FGD5: variants seen among roughly 807,000 people sequenced by gnomAD.
FGD5 encodes the protein FYVE, RhoGEF and PH domain-containing protein 5.
In FGD5, 28 loss-of-function variants were observed where a neutral mutation model predicts 133.4. The ratio of observed to expected loss-of-function variants is 0.21; its 90% CI spans 0.16 to 0.29. The LOEUF (loss-of-function observed/expected upper bound fraction) is 0.29. Ranked by LOEUF, FGD5 falls within the 10% of genes least tolerant of loss-of-function variation. FGD5 has a pLI of 1.00. For synonymous variants in FGD5, 810 were observed against 776.5 expected (o/e 1.04, Z -0.72); for missense variants, 1,858 against 1,895.2 (o/e 0.98, Z 0.36).
At chr3:14,887,003 C>T (rs879827622) in intron 4 of FGD5, among the ~76,000 whole-genome samples, 6 of 152,180 alleles carry the variant, frequency 3.9e-5, no homozygotes, top group Non-Finnish European at 7.3e-5. Flanking sequence ...GAAGGATGGG[C>T]CCTCTGCTCT....
rs1320914766 is a variant in FGD5, at chr3:14,910,043, C to T, written c.3337-818C>T. On this transcript the variant is annotated intron_variant, in intron 10 of 19. Transcript: ENST00000285046. Reference sequence around the variant, plus strand: ...CCTCCCAAAGTGCTGGGATTACAGGCGTGAGCCACCACGCCTGGTTGTGAT... The same window carrying T: ...CCTCCCAAAGTGCTGGGATTACAGGTGTGAGCCACCACGCCTGGTTGTGAT... Among the ~76,000 whole-genome samples, 4 of 151,912 alleles carry T rather than the reference C, an allele frequency of 2.6e-5. No individual in the cohort carries two copies. In the East Asian group the frequency reaches 5.8e-4, roughly 22 times the overall value.
chr3:14,853,680 G>A (rs1190711014), intron 1 of FGD5, among the ~76,000 whole-genome samples: 2 of 100,822 alleles, frequency 2.0e-5, no homozygotes, highest in Admixed American at 3.0e-4. Flanking sequence ...GAGTTATTAG[G>A]CCCTTTTGGC....
chr3:14,854,389 T>TTTTTATTTA (rs1215206630), intron 1 of FGD5, among the ~76,000 whole-genome samples: 6 of 137,612 alleles, frequency 4.4e-5, no homozygotes, highest in African/African-American at 1.4e-4. Flanking sequence ...TTTCTTTTCT[T>TTTTTATTTA]TTTATTTATT....
intron 1 of FGD5, among the ~76,000 whole-genome samples, chr3:14,824,090 GC>G (rs2036557853): frequency 6.6e-6 from 1 of 152,160 alleles, no homozygotes; most frequent in Non-Finnish European, 1.5e-5. Context: ...ATGCTATTTC[GC>G]CAAAGGCCAG....
intron 2 of FGD5, among the ~76,000 whole-genome samples, chr3:14,873,484 T>C (rs1227152403): frequency 6.6e-6 from 1 of 152,120 alleles, no homozygotes; most frequent in Non-Finnish European, 1.5e-5. Flanking sequence ...AGGCATAGAA[T>C]CCAGCCATTA....
chr3:14,820,236 A>G lies in FGD5; in HGVS notation c.1165A>G (p.Met389Val), dbSNP rs753113394. ...GGGGCTGCGTGCGGAGGAGAACCCC[A>G]TGGTGGGGGCTTTGTGTGGCCAGTG... is the stretch of plus-strand genomic sequence containing the variant. ...KLGLRAEENP[M>V]VGALCGQCGS... The change falls in exon 1 of 20, where the codon ATG becomes GTG. Residue 389 changes from methionine to valine, a missense_variant. By Grantham distance (21) the Met-to-Val change is conservative (BLOSUM62 1). This residue lies in a region of FGD5 where 1,824 missense variants were observed against 1,848.9 expected (regional missense o/e 0.99). Coordinates refer to ENST00000285046, the MANE Select transcript of FGD5 (RefSeq NM_152536.4). The G allele has an allele frequency of 3.7e-6, 6 of 1,606,094 alleles. No homozygotes were observed. Among genetic ancestry groups the G allele is most frequent in the African/African-American group, 2.7e-5 (2 of 74,752 alleles).
intron 17 of FGD5, among the ~76,000 whole-genome samples, chr3:14,924,946 A>G (rs532362222): frequency 6.6e-6 from 1 of 152,058 alleles, no homozygotes; most frequent in South Asian, 2.1e-4. Flanking sequence ...CTAAAAATAC[A>G]AAAATCAGCC....
At chr3:14,855,395 A>G (rs546590642) in intron 1 of FGD5, among the ~76,000 whole-genome samples, 2 of 152,314 alleles carry the variant, frequency 1.3e-5, no homozygotes, top group South Asian at 2.1e-4. Flanking sequence ...GCTGGATCAC[A>G]TGGTAGTTCT....
chr3:14,887,991 C>T (rs2037955970), intron 4 of FGD5, among the ~76,000 whole-genome samples: 1 of 139,358 alleles, frequency 7.2e-6, no homozygotes, highest in African/African-American at 2.7e-5. Flanking sequence ...CATAGTGAGA[C>T]CCCATCACTA....
chr3:14,854,423 T>TGA lies in FGD5; in HGVS notation c.2526-9705_2526-9704insGA, dbSNP rs1289454745. Among the ~76,000 whole-genome samples the TGA allele has an allele frequency of 7.5e-3, 1,056 of 141,452 alleles. 9 individuals are homozygous for TGA. The highest frequency in any genetic ancestry group is 0.014 in the South Asian group (62 of 4,420). 92.8% of individuals were successfully genotyped at this position (141,452 alleles called of 152,430 possible). A position where few individuals can be genotyped will look rare whatever the true frequency, so the allele number is the denominator to read the frequency against. ...TTTATTTATTTATTTATTTATTTAT[T>TGA]TATTTATTTATTGAGACGAGCTCAC... is the stretch of plus-strand genomic sequence containing the variant. On this transcript the variant is annotated intron_variant, in intron 1 of 19. Transcript: ENST00000285046.
At chr3:14,822,051 G>A (rs2036514988) in intron 1 of FGD5, among the ~76,000 whole-genome samples, 1 of 151,602 alleles carries the variant, frequency 6.6e-6, no homozygotes, top group Non-Finnish European at 1.5e-5. Flanking sequence ...AGTGAGCTGA[G>A]ATCACGCAAC....
At chr3:14,873,416 A>G (rs554913072) in intron 2 of FGD5, among the ~76,000 whole-genome samples, 167 of 152,336 alleles carry the variant, frequency 1.1e-3, no homozygotes, top group Middle Eastern at 6.8e-3. Flanking sequence ...AGAGAGCAGG[A>G]CGTAGTTAAG....
chr3:14,859,138 C>A lies in FGD5; in HGVS notation c.2526-4990C>A, dbSNP rs187799226. On this transcript the variant is annotated intron_variant, in intron 1 of 19. Transcript: ENST00000285046. The stretch of plus-strand genomic sequence containing the variant: ...TTACTATAATTTTTGATTGACAAAT[C>A]ATAATCCTATACATTTATGGGGTAC... 2.0e-4 allele frequency among the ~76,000 whole-genome samples: 30 copies of A among 152,280 alleles called. No homozygotes were observed. The East Asian group carries it at 5.6e-3, about 28-fold the overall frequency.
chr3:14,917,165 C>T lies in FGD5; in HGVS notation c.3406-84C>T, dbSNP rs1286482257. ...AGGAATACAAGATGCCTGTGCACAG[C>T]GGAGCTCAGGGATCCTTTGAGGACA... On this transcript the variant is annotated intron_variant, in intron 11 of 19. Transcript: ENST00000285046. This position sits in a 1 kb window ranked among gnomAD's most constrained non-coding sequence, Gnocchi z 4.1. 8.7e-6 allele frequency: 11 copies of T among 1,259,222 alleles called. No individual in the cohort carries two copies. The highest frequency in any genetic ancestry group is 3.7e-4 in the Middle Eastern group (2 of 5,380). 78.0% of individuals were successfully genotyped at this position (1,259,222 alleles called of 1,614,324 possible). A position where few individuals can be genotyped will look rare whatever the true frequency, so the allele number is the denominator to read the frequency against.
chr3:14,897,589 G>T lies in FGD5; in HGVS notation c.2829G>T (p.Arg943Ser). Residue 943 changes from arginine (R) to serine (S), a missense_variant, in exon 5 of 20, where the codon AGG becomes AGT. Around this residue, in one of 3 missense-constraint regions of FGD5, gnomAD observed 1,824 missense variants for 1,848.9 expected, o/e 0.99. Coordinates refer to ENST00000285046, the MANE Select transcript of FGD5 (RefSeq NM_152536.4). ...GRDTLAREEL[R>S]QGLSELPAIH... Reference sequence around the variant, plus strand: ...ACACATTGGCCCGGGAGGAGCTGAGGCAGGGCCTGAGTGAACTCCCAGCCA... The same window carrying T: ...ACACATTGGCCCGGGAGGAGCTGAGTCAGGGCCTGAGTGAACTCCCAGCCA... The T allele has an allele frequency of 6.2e-7, 1 of 1,605,052 alleles. No individual in the cohort carries two copies. The highest frequency in any genetic ancestry group is 8.5e-7 in the Non-Finnish European group (1 of 1,175,936).
At chr3:14,852,515 C>T (rs2037183917) in intron 1 of FGD5, among the ~76,000 whole-genome samples, 1 of 152,138 alleles carries the variant, frequency 6.6e-6, no homozygotes, top group African/African-American at 2.4e-5. Context: ...ACAACTCTTT[C>T]AAATATACTA....
In FGD5 at chr3:14,917,209, C is replaced by T; in HGVS notation, c.3406-40C>T. ...GAGGACAGAAGCCTGGCGCAGCCTT[C>T]TGGGGCCAGGGTCCTCTCATAGGGT... On this transcript the variant is annotated intron_variant, in intron 11 of 19. Transcript: ENST00000285046. The surrounding 1 kb of genome is among the most constrained non-coding windows in gnomAD (Gnocchi z 4.1). 1 of 1,582,516 alleles carries T rather than the reference C, an allele frequency of 6.3e-7. No individual in the cohort carries two copies. The highest frequency in any genetic ancestry group is 2.3e-5 in the East Asian group (1 of 44,068).
chr3:14,810,815 T>C, upstream of FGD5: 1 of 984,330 alleles, frequency 1.0e-6, no homozygotes, highest in Non-Finnish European at 1.2e-6. Flanking sequence ...GCGGACGGAC[T>C]GAAACGCCGA....
intron 2 of FGD5, 113 bp from the exon 3 acceptor site, chr3:14,880,459 G>T: frequency 1.2e-6 from 1 of 821,232 alleles, no homozygotes; most frequent in South Asian, 1.8e-5. Flanking sequence ...TACAAGTAAT[G>T]AGTGCCAGGA....
Sources: gnomAD v4.1 joint callset for allele counts (sites outside exome capture counted in the v4.1 genomes callset) on GRCh38, gnomAD v4.1.1 for gene constraint, gnomAD v4.1.1 regional missense constraint, Gnocchi (gnomAD v3.1) non-coding constraint, MANE v1.5 for transcripts, NCBI Gene and HGNC (gene_info 2026-07-23, HGNC 2026-07-21) for gene names.